KCNMA1: variants seen among roughly 807,000 people sequenced by gnomAD.
KCNMA1 encodes the protein potassium calcium-activated channel subfamily M alpha 1, also known as Calcium-activated potassium channel subunit alpha-1.
A neutral mutation model predicts 140.0 loss-of-function variants in KCNMA1; 29 were observed. The ratio of observed to expected loss-of-function variants is 0.21; its 90% CI spans 0.15 to 0.28. The LOEUF (loss-of-function observed/expected upper bound fraction) is 0.28. Among genes scored for constraint, KCNMA1 ranks in the 10% least tolerant of loss-of-function variants. The pLI is 1.00. For synonymous variants in KCNMA1, 612 were observed against 611.9 expected (o/e 1.00, Z 0.00); for missense variants, 880 against 1,602.2 (o/e 0.55, Z 7.70).
chr10:77,483,252 G>C (rs145103607), intron 1 of KCNMA1, among the ~76,000 whole-genome samples: 226 of 152,218 alleles, frequency 1.5e-3, no homozygotes, highest in African/African-American at 5.1e-3. Flanking sequence ...TCTCTGCTCC[G>C]ACCCTTCTCC....
At position 77,527,699 on chromosome 10, in the gene KCNMA1, AAG is replaced by A. The variant is rs532459070; in HGVS notation, c.378+109564_378+109565del. On this transcript the variant is annotated intron_variant, in intron 1 of 27. Coordinates refer to ENST00000286628, the MANE Select transcript of KCNMA1 (RefSeq NM_001161352.2). The stretch of plus-strand genomic sequence containing the variant: ...ATTTCCATTTATTAAAAGAGAAAGA[AAG>A]AGAGAGAGCGAGAGAGAGGTGAGGC... 3.9e-3 allele frequency among the ~76,000 whole-genome samples: 591 copies of A among 152,302 alleles called. 3 individuals are homozygous for A. The highest frequency in any genetic ancestry group is 0.013 in the African/African-American group (554 of 41,580).
intron 2 of KCNMA1, among the ~76,000 whole-genome samples, chr10:77,385,107 C>A (rs534888037): frequency 3.2e-4 from 49 of 152,332 alleles, no homozygotes; most frequent in African/African-American, 1.2e-3. Flanking sequence ...TGATTTATAT[C>A]TCATTCCATT....
intron 5 of KCNMA1, among the ~76,000 whole-genome samples, chr10:77,159,887 C>T (rs2098536439): frequency 6.6e-6 from 1 of 152,188 alleles, no homozygotes; most frequent in Non-Finnish European, 1.5e-5. Context: ...TTCTTTTGTT[C>T]ATTCATTCAT....
At chr10:77,386,814 G>C (rs1200585968) in intron 2 of KCNMA1, among the ~76,000 whole-genome samples, 1 of 152,094 alleles carries the variant, frequency 6.6e-6, no homozygotes, top group Non-Finnish European at 1.5e-5. Context: ...AACTGTTTTT[G>C]GTCAGAGGCA....
chr10:77,503,070 A>AG (rs1458336050), intron 1 of KCNMA1, among the ~76,000 whole-genome samples: 7 of 152,158 alleles, frequency 4.6e-5, no homozygotes, highest in Non-Finnish European at 8.8e-5. Flanking sequence ...TAGGCAACAT[A>AG]GCTAGATCCT....
chr10:77,086,653 T>G, intron 10 of KCNMA1, 60 bp from the exon 11 acceptor site: 1 of 1,182,182 alleles, frequency 8.5e-7, no homozygotes, highest in South Asian at 1.3e-5. Context: ...TCAGCCTCCA[T>G]GGGCTCCTTC....
intron 5 of KCNMA1, among the ~76,000 whole-genome samples, chr10:77,142,337 C>T (rs1310082154): frequency 6.8e-6 from 1 of 147,424 alleles, no homozygotes; most frequent in Non-Finnish European, 1.5e-5. Context: ...TGCCACTGCA[C>T]TCCAGCCTGG....
chr10:77,099,875 G>C (rs1443338035), intron 9 of KCNMA1, among the ~76,000 whole-genome samples: 1 of 152,112 alleles, frequency 6.6e-6, no homozygotes, highest in Non-Finnish European at 1.5e-5. Context: ...CTCTTTTACT[G>C]GGTCTGTAAG....
intron 1 of KCNMA1, among the ~76,000 whole-genome samples, chr10:77,611,823 G>A (rs1159044857): frequency 1.3e-5 from 2 of 152,128 alleles, no homozygotes; most frequent in African/African-American, 4.8e-5. Flanking sequence ...TTCATGGGGC[G>A]AGGTACTGTG....
At chr10:77,117,089 A>G (rs1310523384) in intron 6 of KCNMA1, among the ~76,000 whole-genome samples, 1 of 152,238 alleles carries the variant, frequency 6.6e-6, no homozygotes, top group African/African-American at 2.4e-5. Context: ...CATATTGGTT[A>G]GGTACACGAT....
chr10:77,637,594 C>CGCCGCCGCCGCCGCT lies in KCNMA1; in HGVS notation c.34_48dup (p.Ser12_Gly16dup), dbSNP rs2093898757. The CGCCGCCGCCGCCGCT allele has an allele frequency of 6.6e-7, 1 of 1,526,218 alleles. No individual in the cohort carries two copies. The highest frequency in any genetic ancestry group is 1.4e-5 in the African/African-American group (1 of 72,220). 94.5% of individuals were successfully genotyped at this position (1,526,218 alleles called of 1,614,324 possible). On this transcript the variant is annotated inframe_insertion, in exon 1 of 28. Transcript: ENST00000286628. ...ATTCTAAGACTGCTGCCTCCGCCGCCGCCGCCGCCGCCGCTGCTGCCGCCG... is the reference window on the plus strand; with the variant it reads ...ATTCTAAGACTGCTGCCTCCGCCGCCGCCGCCGCCGCCGCTGCCGCCGCCGCCGCTGCTGCCGCCG...
rs746162410 is a variant in KCNMA1, at chr10:76,889,807, C to T, written c.3343-238G>A. On this transcript the variant is annotated intron_variant, in intron 26 of 27. Transcript: ENST00000286628. ...TTTCCTCTGGTGTCTCTCCAGTTTT[C>T]CACCTGTCGCAGTGGGGTTTGAAAG... 6.2e-4 allele frequency: 347 copies of T among 557,694 alleles called. 1 individual carries two copies. Among genetic ancestry groups the T allele is most frequent in the Non-Finnish European group, 1.0e-3 (312 of 309,710 alleles). The allele number at this position is 557,694 out of a possible 1,614,324, so 34.5% of individuals were successfully genotyped here.
intron 2 of KCNMA1, among the ~76,000 whole-genome samples, chr10:77,368,885 TG>T (rs1194839224): frequency 6.6e-6 from 1 of 152,246 alleles, no homozygotes; most frequent in Non-Finnish European, 1.5e-5. Flanking sequence ...TCTACTCCAT[TG>T]ATCTATGTGT....
At chr10:77,021,668 A>G (rs895009812) in intron 16 of KCNMA1, among the ~76,000 whole-genome samples, 4 of 152,188 alleles carry the variant, frequency 2.6e-5, no homozygotes, top group Admixed American at 1.3e-4. Context: ...AAGGAATCGA[A>G]AGCATCTCTA....
chr10:77,483,719 A>G lies in KCNMA1; in HGVS notation c.379-79696T>C, dbSNP rs2098429247. Among the ~76,000 whole-genome samples the G allele has an allele frequency of 3.3e-5, 5 of 152,192 alleles. 1 individual carries two copies. The South Asian group carries it at 1.0e-3, about 31-fold the overall frequency. ...GGAGAACTGTTTGCCCATTTTCCAC[A>G]TTCAAGAACCTGGTGAAAAGATGAG... On this transcript the variant is annotated intron_variant, in intron 1 of 27. Transcript: ENST00000286628.
At chr10:77,461,933 G>A (rs1187502679) in intron 1 of KCNMA1, among the ~76,000 whole-genome samples, 2 of 152,090 alleles carry the variant, frequency 1.3e-5, no homozygotes, top group African/African-American at 4.8e-5. Context: ...GCTGTGTGGG[G>A]ACTCCCCACT....
intron 2 of KCNMA1, among the ~76,000 whole-genome samples, chr10:77,327,269 A>C (rs1292958634): frequency 1.3e-5 from 2 of 151,400 alleles, no homozygotes; most frequent in Non-Finnish European, 2.9e-5. Flanking sequence ...CAAGAGCTTC[A>C]CCACCTTCTT....
chr10:77,265,208 C>T lies in KCNMA1; in HGVS notation c.541-13952G>A, dbSNP rs140784092. 2.1e-3 allele frequency among the ~76,000 whole-genome samples: 327 copies of T among 152,168 alleles called. 12 individuals are homozygous for T. The East Asian group carries it at 0.05, about 23-fold the overall frequency. The stretch of plus-strand genomic sequence containing the variant: ...CTGGGATTACAGGTGTGCACCACCA[C>T]GCCCAGCTAAGTTTTGTATTTTAAG... On this transcript the variant is annotated intron_variant, in intron 2 of 27. Coordinates refer to ENST00000286628, the MANE Select transcript of KCNMA1 (RefSeq NM_001161352.2).
intron 14 of KCNMA1, among the ~76,000 whole-genome samples, chr10:77,050,288 A>AG (rs1210556420): frequency 5.2e-4 from 79 of 151,960 alleles, no homozygotes; most frequent in African/African-American, 1.8e-3. Context: ...AAAAAAAAAT[A>AG]AAAAAACAAA....
Sources: allele counts gnomAD v4.1 joint callset (sites outside exome capture counted in the v4.1 genomes callset), GRCh38; gene constraint gnomAD v4.1.1; transcripts MANE v1.5; gene names NCBI Gene and HGNC (gene_info 2026-07-23, HGNC 2026-07-21).